LRP10: variants seen among roughly 807,000 people sequenced by gnomAD.
LRP10 encodes the protein LDL receptor related protein 10, also known as low-density lipoprotein receptor-related protein 10.
In LRP10, 42 loss-of-function variants were observed where a neutral mutation model predicts 58.5. The observed-to-expected ratio is 0.72, with a 90% confidence interval of 0.56 to 0.93. The LOEUF is 0.93. Among genes scored for constraint, LRP10 ranks in the 40% least tolerant of loss-of-function variants. The pLI is 0.00. For synonymous variants in LRP10, 377 were observed against 388.5 expected, an observed-to-expected ratio of 0.97 and a Z score of 0.35; for missense variants, 872 against 940.1, an observed-to-expected ratio of 0.93 and a Z score of 0.95.
At chr14:22,873,161 G>A in intron 2 of LRP10, 150 bp from the exon 3 acceptor site, 1 of 893,504 alleles carries the variant, frequency 1.1e-6, no homozygotes. Flanking sequence ...CTAGAAGGCT[G>A]TAACTCTAGG....
rs755195627 is a variant in LRP10, at chr14:22,875,526, A to T, written c.578A>T (p.Asn193Ile). 1.2e-6 allele frequency: 2 copies of T among 1,613,958 alleles called. No individual in the cohort carries two copies. The highest frequency in any genetic ancestry group is 1.3e-5 in the African/African-American group (1 of 74,902). The change falls in exon 5 of 7, where the codon AAT becomes ATT. Residue 193 changes from asparagine to isoleucine, a missense_variant. Physicochemically the swap from Asn to Ile is moderately radical, Grantham distance 149. Transcript: ENST00000359591. Reference protein sequence around the residue: ...TPRPVPSLPCNVTLEDFYGVF... With the variant: ...TPRPVPSLPCIVTLEDFYGVF... ...AGACCCGTCCCCTCCCTGCCTTGCA[A>T]TGTCACCTTGGAGGACTTCTATGGG...
chr14:22,872,614 C>A (rs1269078566), intron 1 of LRP10, 124 bp from the exon 2 acceptor site: 2 of 924,102 alleles, frequency 2.2e-6, no homozygotes, highest in Non-Finnish European at 3.4e-6. Flanking sequence ...CCCTCTCCCG[C>A]CCCCCACTCC....
chr14:22,873,469 GA>G (rs1220560484), intron 3 of LRP10, 23 bp downstream of exon 3: 5 of 1,611,768 alleles, frequency 3.1e-6, no homozygotes, highest in Non-Finnish European at 4.2e-6. Context: ...ACAAGAGCAA[GA>G]ACCCATTCTT....
Position 22,878,977 on chromosome 14 carries a change from CTG to C in LRP10, c.*1451_*1452del. On this transcript the variant is annotated 3_prime_UTR_variant, in exon 7 of 7. Transcript: ENST00000359591. ...TGGGAGTGATGCCTCAGGAACAAAA[CTG>C]AGGAATTCCCTAACGGACCCAGTCC... 3.2e-6 allele frequency: 1 copy of C among 312,830 alleles called. No individual in the cohort carries two copies. The highest frequency in any genetic ancestry group is 6.6e-6 in the Non-Finnish European group (1 of 150,410). 19.4% of individuals were successfully genotyped at this position (312,830 alleles called of 1,614,324 possible).
rs546934632 is a variant in LRP10, at chr14:22,873,258, G to C, written c.80-53G>C. On this transcript the variant is annotated intron_variant, in intron 2 of 6. Coordinates refer to ENST00000359591, the MANE Select transcript of LRP10 (RefSeq NM_014045.5). ...TCAAGCCTCCAAGCGGAAGGGGAAG[G>C]GTGGGATGCAAAGGGGCTGTCTACT... 7.4e-5 allele frequency: 117 copies of C among 1,574,576 alleles called. No homozygotes were observed. The African/African-American group carries it at 1.4e-3, about 19-fold the overall frequency.
chr14:22,872,469 C>T, intron 1 of LRP10, 132 bp downstream of exon 1: 4 of 1,044,940 alleles, frequency 3.8e-6, no homozygotes, highest in East Asian at 2.5e-5. Context: ...CCCAGCACTG[C>T]CGGCCCCAAC....
chr14:22,872,041 A>C lies in LRP10; in HGVS notation c.-263A>C. 3 of 570,496 alleles carry C rather than the reference A, an allele frequency of 5.3e-6. No individual in the cohort carries two copies. The highest frequency in any genetic ancestry group is 3.1e-5 in the Admixed American group (1 of 32,124). The allele number at this position is 570,496 out of a possible 1,614,324, so 35.3% of individuals were successfully genotyped here. A position where few individuals can be genotyped will look rare whatever the true frequency, so the allele number is the denominator to read the frequency against. ...CCCCAGTGCCGAGACCCGGGGCTTCAGGAGCCGGCCCCGGGAGAGAAGAGT... is the reference window on the plus strand; with the variant it reads ...CCCCAGTGCCGAGACCCGGGGCTTCCGGAGCCGGCCCCGGGAGAGAAGAGT... On this transcript the variant is annotated 5_prime_UTR_variant, in exon 1 of 7. Transcript: ENST00000359591.
chr14:22,876,510 A>G, intron 5 of LRP10, 138 bp downstream of exon 5: 1 of 1,330,168 alleles, frequency 7.5e-7, no homozygotes. Flanking sequence ...CCTGTAAGGG[A>G]CAGGTCCAGA....
rs1383588573 is a variant in LRP10 at position 22,871,978 on chromosome 14, C to A, written c.-326C>A. ...GGTGGCGACCAGGCCAGACCAGGGG[C>A]GCTCGCTGCCTGCGGGCGGGCTGTA... On this transcript the variant is annotated 5_prime_UTR_variant, in exon 1 of 7. Coordinates refer to ENST00000359591, the MANE Select transcript of LRP10 (RefSeq NM_014045.5). The A allele has an allele frequency of 5.8e-5, 29 of 500,534 alleles. No homozygotes were observed. In the Admixed American group the frequency reaches 9.7e-4, roughly 17 times the overall value. The allele number at this position is 500,534 out of a possible 1,614,324, so 31.0% of individuals were successfully genotyped here.
chr14:22,875,286 C>T (rs1451401921), intron 4 of LRP10, 41 bp downstream of exon 4: 2 of 1,580,564 alleles, frequency 1.3e-6, no homozygotes, highest in African/African-American at 1.3e-5. Context: ...GCAGTGAAAG[C>T]CCCAGGCAGA....
rs1359790387 is a variant in LRP10 at position 22,880,106 on chromosome 14, G to A, written c.*2579G>A. ...GAAGATACCAGGGCTGGGCCACGGTGGCTTTCGCCTGTAATCCTAGCACTT... is the reference window on the plus strand; with the variant it reads ...GAAGATACCAGGGCTGGGCCACGGTAGCTTTCGCCTGTAATCCTAGCACTT... On this transcript the variant is annotated 3_prime_UTR_variant, in exon 7 of 7. Transcript: ENST00000359591. 1.3e-5 allele frequency: 2 copies of A among 152,276 alleles called. No individual in the cohort carries two copies. Among genetic ancestry groups the A allele is most frequent in the African/African-American group, 4.8e-5 (2 of 41,434 alleles). 9.4% of individuals were successfully genotyped at this position (152,276 alleles called of 1,614,324 possible).
Position 22,876,034 on chromosome 14 carries a change from C to T in LRP10, c.1086C>T (p.Pro362=). The part of the protein sequence containing the change: ...DCPGCPPGHF[P]CGAAGTSGAT... ...CAGGCTGCCCACCTGGACACTTCCCCTGTGGGGCTGCTGGCACCTCTGGTG... is the reference window on the plus strand; with the variant it reads ...CAGGCTGCCCACCTGGACACTTCCCTTGTGGGGCTGCTGGCACCTCTGGTG... Residue 362 remains proline (P), a synonymous_variant, in exon 5 of 7, where the codon CCC becomes CCT. Transcript: ENST00000359591. 1.2e-6 allele frequency: 2 copies of T among 1,613,308 alleles called. No individual in the cohort carries two copies. The highest frequency in any genetic ancestry group is 1.3e-5 in the African/African-American group (1 of 75,054).
intron 5 of LRP10, 86 bp from the exon 6 acceptor site, chr14:22,876,603 G>C: frequency 6.5e-7 from 1 of 1,542,178 alleles, no homozygotes; most frequent in Non-Finnish European, 8.8e-7. Context: ...CCTGGCCCGG[G>C]TGTGGAAGTG....
chr14:22,877,243 G>GCTCC lies in LRP10; in HGVS notation c.1860_1863dup (p.Leu622SerfsTer6), dbSNP rs1331038588. On this transcript the variant is annotated frameshift_variant, in exon 7 of 7. Transcript: ENST00000359591. LOFTEE classifies it high-confidence loss of function. The surrounding 1 kb of genome is among the most constrained non-coding windows in gnomAD (Gnocchi z 5.1). Reference sequence around the variant, plus strand: ...GCAGGCACCCCCACTGCCCATCAAGGCTCCCCTCCCATCTGCTAGCACGTC... The same window carrying GCTCC: ...GCAGGCACCCCCACTGCCCATCAAGGCTCCCTCCCCTCCCATCTGCTAGCACGTC... The GCTCC allele has an allele frequency of 6.2e-7, 1 of 1,607,218 alleles. No homozygotes were observed. Among genetic ancestry groups the GCTCC allele is most frequent in the Non-Finnish European group, 8.5e-7 (1 of 1,176,584 alleles).
At chr14:22,872,392 T>G in intron 1 of LRP10, 55 bp downstream of exon 1, 1 of 1,605,476 alleles carries the variant, frequency 6.2e-7, no homozygotes, top group Non-Finnish European at 8.5e-7. Flanking sequence ...CCAGCAGCTC[T>G]AACTCCCTCC....
chr14:22,881,671 T>TG lies in LRP10; in HGVS notation c.*4146dup, dbSNP rs2040063088. ...TAATCTACTAGTACAGGAACACACA[T>TG]GGACACGTTAAAATTGTGAATAAAA... On this transcript the variant is annotated 3_prime_UTR_variant, in exon 7 of 7. Coordinates refer to ENST00000359591, the MANE Select transcript of LRP10 (RefSeq NM_014045.5). The TG allele has an allele frequency of 1.3e-5, 2 of 152,162 alleles. No individual in the cohort carries two copies. The highest frequency in any genetic ancestry group is 2.9e-5 in the Non-Finnish European group (2 of 68,038). The allele number at this position is 152,162 out of a possible 1,614,324, so 9.4% of individuals were successfully genotyped here.
chr14:22,879,302 G>C lies in LRP10; in HGVS notation c.*1775G>C, dbSNP rs2040038909. ...GAAGACCCGAGCTCCTTTCACTGCA[G>C]ACCCTCTCCAGAGACTGGGGAGAGG... On this transcript the variant is annotated 3_prime_UTR_variant, in exon 7 of 7. Transcript: ENST00000359591. 4.6e-6 allele frequency: 2 copies of C among 437,322 alleles called. No homozygotes were observed. The highest frequency in any genetic ancestry group is 2.0e-5 in the African/African-American group (1 of 49,610). The allele number at this position is 437,322 out of a possible 1,614,324, so 27.1% of individuals were successfully genotyped here. A position where few individuals can be genotyped will look rare whatever the true frequency, so the allele number is the denominator to read the frequency against.
At chr14:22,873,257 G>A in intron 2 of LRP10, 54 bp from the exon 3 acceptor site, 3 of 1,572,682 alleles carry the variant, frequency 1.9e-6, no homozygotes, top group East Asian at 4.5e-5. Flanking sequence ...GGAAGGGGAA[G>A]GGTGGGATGC....
Position 22,871,925 on chromosome 14 carries a change from G to T in LRP10, c.-379G>T. 3.0e-6 allele frequency: 1 copy of T among 329,604 alleles called. No individual in the cohort carries two copies. Among genetic ancestry groups the T allele is most frequent in the Non-Finnish European group, 5.6e-6 (1 of 177,612 alleles). The allele number at this position is 329,604 out of a possible 1,614,324, so 20.4% of individuals were successfully genotyped here. ...GCTGACAGTCGGCAAAGTTTGGCCC[G>T]AAGAGGAAGTGGTCTCAAACCCCGG... On this transcript the variant is annotated 5_prime_UTR_variant, in exon 1 of 7. Transcript: ENST00000359591.
Sources: allele counts gnomAD v4.1 joint callset, GRCh38; gene constraint gnomAD v4.1.1; non-coding constraint Gnocchi (gnomAD v3.1); transcripts MANE v1.5; gene names NCBI Gene and HGNC (gene_info 2026-07-23, HGNC 2026-07-21).